ZNF385D: variants seen among roughly 807,000 people sequenced by gnomAD.
The protein encoded by ZNF385D is zinc finger protein 385D.
ZNF385D carries 15 observed loss-of-function variants against 35.8 expected under a neutral mutation model. The observed-to-expected ratio is 0.42, with a 90% CI of 0.28 to 0.64. ZNF385D has a LOEUF of 0.64. ZNF385D is among the 30% of genes least tolerant of loss of function. The probability of loss-of-function intolerance (pLI) is 0.23; values close to 1 mark genes in which losing one functional copy is unlikely to be tolerated. For synonymous variants in ZNF385D, 212 were observed against 186.8 expected (o/e 1.13, Z -1.10); for missense variants, 474 against 494.6 (o/e 0.96, Z 0.39).
intron 2 of ZNF385D, among the ~76,000 whole-genome samples, chr3:21,592,683 G>T (rs768782298): frequency 6.6e-6 from 1 of 152,068 alleles, no homozygotes; most frequent in African/African-American, 2.4e-5. Flanking sequence ...AAATCAGATC[G>T]TTTAGAGGAG....
At chr3:21,590,792 A>AT (rs1252964351) in intron 2 of ZNF385D, among the ~76,000 whole-genome samples, 1 of 152,146 alleles carries the variant, frequency 6.6e-6, no homozygotes, top group Admixed American at 6.6e-5. Context: ...AAATATTCAA[A>AT]TTAATCTCAT....
At chr3:22,286,707 TC>T (rs1377167661) in intron 2 of ZNF385D, among the ~76,000 whole-genome samples, 1 of 152,158 alleles carries the variant, frequency 6.6e-6, no homozygotes, top group Non-Finnish European at 1.5e-5. Flanking sequence ...CCATGATTCC[TC>T]CTCTTACTGA....
At chr3:22,099,754 G>T (rs1469360791) in intron 3 of ZNF385D, among the ~76,000 whole-genome samples, 2 of 151,982 alleles carry the variant, frequency 1.3e-5, no homozygotes, top group African/African-American at 4.8e-5. Flanking sequence ...GCCAGCAAGG[G>T]TGGGTACATC....
chr3:21,965,169 A>G (rs1702845405), intron 3 of ZNF385D, among the ~76,000 whole-genome samples: 2 of 152,204 alleles, frequency 1.3e-5, no homozygotes, highest in African/African-American at 4.8e-5. Context: ...TTAATATCTT[A>G]TGTAACTTTG....
chr3:22,312,327 G>T (rs1703606751), intron 2 of ZNF385D, among the ~76,000 whole-genome samples: 1 of 152,046 alleles, frequency 6.6e-6, no homozygotes, highest in Admixed American at 6.6e-5. Flanking sequence ...CACCATTAGA[G>T]CATGAAGATA....
upstream of ZNF385D, among the ~76,000 whole-genome samples, chr3:21,754,360 C>T (rs1241721455): frequency 6.6e-6 from 1 of 152,212 alleles, no homozygotes; most frequent in East Asian, 1.9e-4. Context: ...TCTGTGAGAA[C>T]CTAGGAGCTT....
At chr3:21,423,834 A>T in intron 7 of ZNF385D, 129 bp downstream of exon 7, 1 of 784,044 alleles carries the variant, frequency 1.3e-6, no homozygotes, top group Non-Finnish European at 2.0e-6. Flanking sequence ...TCTATGATAA[A>T]TCTGAACTCA....
At chr3:21,908,172 A>ACCTATCTATCTATC (rs1699793875) in intron 3 of ZNF385D, among the ~76,000 whole-genome samples, 1 of 150,972 alleles carries the variant, frequency 6.6e-6, no homozygotes, top group Non-Finnish European at 1.5e-5. Context: ...CTATCTATCT[A>ACCTATCTATCTATC]TATATGTATA....
chr3:21,912,551 T>C (rs1402292423), intron 3 of ZNF385D, among the ~76,000 whole-genome samples: 1 of 151,956 alleles, frequency 6.6e-6, no homozygotes, highest in African/African-American at 2.4e-5. Flanking sequence ...TTGTGTGCCA[T>C]TCGAAGCACT....
intron 3 of ZNF385D, among the ~76,000 whole-genome samples, chr3:22,094,455 A>T (rs1385307049): frequency 1.9e-5 from 2 of 104,916 alleles, no homozygotes; most frequent in Non-Finnish European, 4.5e-5. Context: ...AGACACACAG[A>T]CAGACTTAGA....
At chr3:21,820,738 G>C (rs919026068) in intron 3 of ZNF385D, among the ~76,000 whole-genome samples, 2 of 150,652 alleles carry the variant, frequency 1.3e-5, no homozygotes, top group South Asian at 2.1e-4. Context: ...ATAAAAAAGG[G>C]ATATAATTAT....
chr3:21,780,870 T>A (rs1032830615), intron 3 of ZNF385D, among the ~76,000 whole-genome samples: 1 of 152,018 alleles, frequency 6.6e-6, no homozygotes, highest in Non-Finnish European at 1.5e-5. Flanking sequence ...ACAGCTTTGG[T>A]TGTCCAAAAT....
intron 4 of ZNF385D, chr3:21,443,210 T>C (rs1701957361): frequency 1.0e-6 from 1 of 985,236 alleles, no homozygotes; most frequent in African/African-American, 1.7e-5. Context: ...CCAGAAGTTC[T>C]GGCTTTGGGC....
intron 1 of ZNF385D, among the ~76,000 whole-genome samples, chr3:21,695,800 CT>C (rs1004578022): frequency 4.6e-5 from 7 of 151,398 alleles, no homozygotes; most frequent in African/African-American, 1.7e-4. Flanking sequence ...CATTTTATTC[CT>C]TTAAAAAGCA....
chr3:22,293,156 A>C (rs1442603741), intron 2 of ZNF385D, among the ~76,000 whole-genome samples: 1 of 152,152 alleles, frequency 6.6e-6, no homozygotes, highest in Non-Finnish European at 1.5e-5. Flanking sequence ...GCCTTCATAG[A>C]AATCCCCCAA....
intron 3 of ZNF385D, among the ~76,000 whole-genome samples, chr3:21,782,246 T>C (rs370832309): frequency 6.6e-6 from 1 of 152,114 alleles, no homozygotes; most frequent in Non-Finnish European, 1.5e-5. Context: ...TGATACTTAG[T>C]AGTGCCGGCC....
intron 3 of ZNF385D, among the ~76,000 whole-genome samples, chr3:21,884,904 T>C (rs76393804): frequency 1.3e-4 from 14 of 107,442 alleles, no homozygotes; most frequent in Non-Finnish European, 2.1e-4. Flanking sequence ...CCAAAATTTA[T>C]CTGCACTTTT....
intron 4 of ZNF385D, among the ~76,000 whole-genome samples, chr3:21,478,257 A>C (rs577615698): frequency 8.3e-4 from 126 of 152,242 alleles, no homozygotes; most frequent in African/African-American, 3.0e-3. Flanking sequence ...TCATTGTTCA[A>C]AATATTCAAA....
chr3:21,850,507 T>G (rs946558437), intron 3 of ZNF385D, among the ~76,000 whole-genome samples: 3 of 152,118 alleles, frequency 2.0e-5, no homozygotes, highest in African/African-American at 7.2e-5. Context: ...AGAAGGGATT[T>G]ACTTAGATAA....
Sources: allele counts gnomAD v4.1 joint callset (sites outside exome capture counted in the v4.1 genomes callset), GRCh38; gene constraint gnomAD v4.1.1; transcripts MANE v1.5; gene names NCBI Gene and HGNC (gene_info 2026-07-23, HGNC 2026-07-21).